The following DYNC2H1 variants were observed in gnomAD, a reference collection of about 807,000 sequenced individuals.
DYNC2H1 encodes cytoplasmic dynein 2 heavy chain 1.
Under a neutral mutation model 570.0 loss-of-function variants are expected in DYNC2H1, and 410 were observed. That is an observed-to-expected ratio of 0.72 (90% CI 0.66 to 0.78). The LOEUF (loss-of-function observed/expected upper bound fraction) is 0.78. DYNC2H1 is among the 30% of genes least tolerant of loss of function. The probability of loss-of-function intolerance (pLI) is 0.00; values close to 1 mark genes in which losing one functional copy is unlikely to be tolerated. For missense variants in DYNC2H1, 4,865 were observed against 5,046.4 expected (o/e 0.96, Z 1.09); for synonymous variants, 1,688 against 1,677.6 (o/e 1.01, Z -0.15).
At chr11:103,284,878 C>G (rs1437947612) in intron 73 of DYNC2H1, among the ~76,000 whole-genome samples, 1 of 152,066 alleles carries the variant, frequency 6.6e-6, no homozygotes, top group Non-Finnish European at 1.5e-5. Flanking sequence ...CATTTCTGAT[C>G]TTACACCGCA....
chr11:103,309,166 C>CTTTTTTTTTTTTTTTTTTTT (rs1274431520), intron 78 of DYNC2H1, among the ~76,000 whole-genome samples: 9 of 56,558 alleles, frequency 1.6e-4, no homozygotes, highest in Admixed American at 2.2e-4. Context: ...TAACTGCATG[C>CTTTTTTTTTTTTTTTTTTTT]TATTTTTTTT....
intron 85 of DYNC2H1, among the ~76,000 whole-genome samples, chr11:103,451,007 T>A (rs1944578687): frequency 6.6e-6 from 1 of 152,204 alleles, no homozygotes; most frequent in Admixed American, 6.5e-5. Flanking sequence ...ATGTTTCCAA[T>A]ACCAGTTATT....
intron 83 of DYNC2H1, among the ~76,000 whole-genome samples, chr11:103,397,035 G>A (rs2135634869): frequency 6.6e-6 from 1 of 152,296 alleles, no homozygotes; most frequent in African/African-American, 2.4e-5. Context: ...CTTCATAGGT[G>A]ATAAGTACTT....
At chr11:103,265,649 A>G (rs758568909) in intron 70 of DYNC2H1, among the ~76,000 whole-genome samples, 13 of 151,944 alleles carry the variant, frequency 8.6e-5, no homozygotes, top group Non-Finnish European at 1.6e-4. Flanking sequence ...TTCTTTATCC[A>G]TATTATGAAT....
At chr11:103,365,442 G>A (rs1940862118) in intron 83 of DYNC2H1, among the ~76,000 whole-genome samples, 1 of 151,948 alleles carries the variant, frequency 6.6e-6, no homozygotes, top group African/African-American at 2.4e-5. Context: ...AATAAATTAT[G>A]TAAAGCCCAG....
At chr11:103,409,150 G>A (rs191420774) in intron 84 of DYNC2H1, among the ~76,000 whole-genome samples, 5 of 152,028 alleles carry the variant, frequency 3.3e-5, no homozygotes, top group African/African-American at 1.2e-4. Flanking sequence ...AAACAGGCAG[G>A]GTAAGATTTG....
At chr11:103,345,799 G>C (rs1470253649) in intron 82 of DYNC2H1, among the ~76,000 whole-genome samples, 1 of 152,160 alleles carries the variant, frequency 6.6e-6, no homozygotes, top group Non-Finnish European at 1.5e-5. Context: ...CTACTGGGGA[G>C]TAAGACTTAA....
In DYNC2H1 at chr11:103,163,054, A is replaced by T; in HGVS notation, c.4518A>T (p.Glu1506Asp). 6.2e-7 allele frequency: 1 copy of T among 1,612,678 alleles called. No homozygotes were observed. The highest frequency in any genetic ancestry group is 8.5e-7 in the Non-Finnish European group (1 of 1,179,052). Residue 1506 changes from glutamate (E) to aspartate (D), a missense_variant, in exon 30 of 89, where the codon GAA becomes GAT. Glu to Asp is a conservative substitution (Grantham distance 45). This residue lies in a region of DYNC2H1 where 1,936 missense variants were observed against 1,962.1 expected (regional missense o/e 0.99). Coordinates refer to ENST00000375735, the MANE Select transcript of DYNC2H1 (RefSeq NM_001377.3). The surrounding 1 kb of genome is among the most constrained non-coding windows in gnomAD (Gnocchi z 4.6). ...VETWLNDLAL[E>D]MKKTLEQLLK... ...CATGGTTGAATGATTTGGCCTTAGAAATGAAGAAAACTTTGGAACAGTTGT... is the reference window on the plus strand; with the variant it reads ...CATGGTTGAATGATTTGGCCTTAGATATGAAGAAAACTTTGGAACAGTTGT...
intron 63 of DYNC2H1, among the ~76,000 whole-genome samples, chr11:103,240,985 A>C (rs945318603): frequency 2.6e-5 from 4 of 152,124 alleles, no homozygotes; most frequent in African/African-American, 9.7e-5. Context: ...CAAATACTCC[A>C]AACCTTTTTA....
rs200762072 is a variant in DYNC2H1, at chr11:103,185,043, A to T, written c.6625A>T (p.Thr2209Ser). The T allele has an allele frequency of 8.1e-5, 131 of 1,609,336 alleles. No homozygotes were observed. The African/African-American group carries it at 1.5e-3, about 19-fold the overall frequency. ...GAATATGAAGTCACGTTTGGAATTTACCAAAGAGGTAATGCATATTTATAG... is the reference window on the plus strand; with the variant it reads ...GAATATGAAGTCACGTTTGGAATTTTCCAAAGAGGTAATGCATATTTATAG... ...NLNMKSRLEF[T>S]KEVFHWARES... The change falls in exon 41 of 89, where the codon ACC becomes TCC. Residue 2209 changes from threonine to serine, a missense_variant. Physicochemically the swap from Thr to Ser is moderately conservative, Grantham distance 58. This residue lies in a region of DYNC2H1 where 231 missense variants were observed against 310.3 expected (regional missense o/e 0.74). Coordinates refer to ENST00000375735, the MANE Select transcript of DYNC2H1 (RefSeq NM_001377.3). This position sits in a 1 kb window ranked among gnomAD's most constrained non-coding sequence, Gnocchi z 4.5.
chr11:103,304,599 C>G lies in DYNC2H1; in HGVS notation c.11261C>G (p.Ala3754Gly). Residue 3754 changes from alanine to glycine, a missense_variant, in exon 77 of 89, where the codon GCC (alanine) becomes GGC (glycine). Ala to Gly is a moderately conservative substitution (Grantham distance 60, BLOSUM62 0). Transcript: ENST00000375735. ...ERSGECYHQV[A>G]MGQGQADLAI... ...TTTGTTTTTTTGCTTTTGTAGGTTGCCATGGGTCAAGGTCAAGCTGATTTA... is the reference window on the plus strand; with the variant it reads ...TTTGTTTTTTTGCTTTTGTAGGTTGGCATGGGTCAAGGTCAAGCTGATTTA... 1 of 1,608,234 alleles carries G rather than the reference C, an allele frequency of 6.2e-7. No individual in the cohort carries two copies. Among genetic ancestry groups the G allele is most frequent in the Non-Finnish European group, 8.5e-7 (1 of 1,176,638 alleles).
chr11:103,111,069 A>C (rs945439560), intron 1 of DYNC2H1, among the ~76,000 whole-genome samples: 1 of 152,044 alleles, frequency 6.6e-6, no homozygotes, highest in African/African-American at 2.4e-5. Flanking sequence ...CAGGTGATCC[A>C]CCCGCCTTGG....
At chr11:103,259,342 C>T (rs900333791) in intron 69 of DYNC2H1, among the ~76,000 whole-genome samples, 10 of 152,008 alleles carry the variant, frequency 6.6e-5, no homozygotes, top group South Asian at 6.2e-4. Context: ...ACATGTTTTT[C>T]AATTATTACA....
chr11:103,365,315 C>T (rs914920547), intron 83 of DYNC2H1, among the ~76,000 whole-genome samples: 6 of 151,388 alleles, frequency 4.0e-5, no homozygotes, highest in Non-Finnish European at 7.4e-5. Flanking sequence ...GAGCCAAGAT[C>T]GCACCATTGC....
rs1011994563 is a variant in DYNC2H1 at position 103,244,991 on chromosome 11, T to C, written c.9919-260T>C. Among the ~76,000 whole-genome samples, 2 of 151,734 alleles carry C rather than the reference T, an allele frequency of 1.3e-5. No homozygotes were observed. Among genetic ancestry groups the C allele is most frequent in the Admixed American group, 1.3e-4 (2 of 15,186 alleles). On this transcript the variant is annotated intron_variant, in intron 64 of 88. Coordinates refer to ENST00000375735, the MANE Select transcript of DYNC2H1 (RefSeq NM_001377.3). This position sits in a 1 kb window ranked among gnomAD's most constrained non-coding sequence, Gnocchi z 4.3. ...ATTATTGAATTTTGCCTAAAGGTTC[T>C]TTTCAGAATTATCAGACCTATCCAC... is the stretch of plus-strand genomic sequence containing the variant.
At position 103,181,727 on chromosome 11, in the gene DYNC2H1, G is replaced by A; in HGVS notation, c.6348-30G>A. 6.6e-7 allele frequency: 1 copy of A among 1,505,472 alleles called. No individual in the cohort carries two copies. The allele number at this position is 1,505,472 out of a possible 1,614,324, so 93.3% of individuals were successfully genotyped here. On this transcript the variant is annotated intron_variant, in intron 39 of 88. Transcript: ENST00000375735. The surrounding 1 kb of genome is among the most constrained non-coding windows in gnomAD (Gnocchi z 5.0). Reference sequence around the variant, plus strand: ...ATGTAAATTGATAATTTCTTCCTAAGTAATTTTTTATTTGTCTAAACTGTT... The same window carrying A: ...ATGTAAATTGATAATTTCTTCCTAAATAATTTTTTATTTGTCTAAACTGTT...
chr11:103,208,754 A>G (rs551380116), intron 52 of DYNC2H1, among the ~76,000 whole-genome samples: 1 of 152,240 alleles, frequency 6.6e-6, no homozygotes, highest in Middle Eastern at 3.4e-3. Context: ...TTATGTTATG[A>G]ATATGTTAAT....
chr11:103,281,833 CCTTACTTCTA>C (rs1218862953), intron 71 of DYNC2H1, among the ~76,000 whole-genome samples: 1 of 151,846 alleles, frequency 6.6e-6, no homozygotes, highest in African/African-American at 2.4e-5. Context: ...TTTGGGTGCA[CCTTACTTCTA>C]CTTATTAGCA....
intron 79 of DYNC2H1, among the ~76,000 whole-genome samples, chr11:103,312,380 C>CAAAA (rs775259300): frequency 8.3e-5 from 4 of 48,110 alleles, no homozygotes; most frequent in African/African-American, 2.8e-4. Flanking sequence ...AACTCCATCT[C>CAAAA]AAAAAAAAAA....
Sources: gnomAD v4.1 joint callset for allele counts (sites outside exome capture counted in the v4.1 genomes callset) on GRCh38, gnomAD v4.1.1 for gene constraint, gnomAD v4.1.1 regional missense constraint, Gnocchi (gnomAD v3.1) non-coding constraint, MANE v1.5 for transcripts, NCBI Gene and HGNC (gene_info 2026-07-23, HGNC 2026-07-21) for gene names.